Variants in CALN1 observed in about 807,000 individuals in gnomAD.
The protein encoded by CALN1 is calneuron 1, also known as calcium-binding protein 8.
In CALN1, 17 loss-of-function variants were observed where a neutral mutation model predicts 30.6. The observed-to-expected ratio is 0.56, with a 90% CI of 0.38 to 0.83. The LOEUF is 0.83. Among genes scored for constraint, CALN1 ranks in the 40% least tolerant of loss-of-function variants. The pLI is 0.00. For synonymous variants in CALN1, 156 were observed against 131.4 expected, an observed-to-expected ratio of 1.19 and a Z score of -1.28; for missense variants, 291 against 354.9, an observed-to-expected ratio of 0.82 and a Z score of 1.45.
chr7:72,218,779 C>CTA (rs1793043948), intron 3 of CALN1, among the ~76,000 whole-genome samples: 1 of 152,154 alleles, frequency 6.6e-6, no homozygotes, highest in South Asian at 2.1e-4. Context: ...GAATGTGACC[C>CTA]TATAAAACAA....
chr7:71,854,655 G>A (rs780000529), intron 5 of CALN1, among the ~76,000 whole-genome samples: 1 of 152,204 alleles, frequency 6.6e-6, no homozygotes, highest in Non-Finnish European at 1.5e-5. Flanking sequence ...AAGATTGGCA[G>A]TTTCATGCTA....
intron 3 of CALN1, among the ~76,000 whole-genome samples, chr7:72,194,593 T>TG (rs1790858036): frequency 1.3e-5 from 1 of 77,696 alleles, no homozygotes; most frequent in African/African-American, 5.7e-5. Flanking sequence ...AACTGGCCTC[T>TG]TTTTTTTTTT....
intron 3 of CALN1, among the ~76,000 whole-genome samples, chr7:72,189,940 T>C (rs1473824122): frequency 6.6e-6 from 1 of 152,190 alleles, no homozygotes; most frequent in Admixed American, 6.5e-5. Context: ...TAGATTATTT[T>C]AGACTTTTGT....
chr7:72,046,657 C>T lies in CALN1; in HGVS notation c.389-22888G>A, dbSNP rs545297060. ...CCCAGGAGGCAGAGGTTGCAGTGAG[C>T]CGAGATCACGCCATTGTACTCCAGC... is the stretch of plus-strand genomic sequence containing the variant. On this transcript the variant is annotated intron_variant, in intron 4 of 6. Coordinates refer to ENST00000395275, the MANE Select transcript of CALN1 (RefSeq NM_031468.4). Among the ~76,000 whole-genome samples, 3 of 143,592 alleles carry T rather than the reference C, an allele frequency of 2.1e-5. No homozygotes were observed. The East Asian group carries it at 6.4e-4, about 31-fold the overall frequency. 94.2% of individuals were successfully genotyped at this position (143,592 alleles called of 152,430 possible).
intron 3 of CALN1, among the ~76,000 whole-genome samples, chr7:72,119,918 T>C (rs1473782361): frequency 1.3e-5 from 2 of 152,174 alleles, no homozygotes; most frequent in African/African-American, 4.8e-5. Context: ...ATATGAGATA[T>C]GCTACATTTT....
chr7:72,333,719 AATC>A (rs1272392196), intron 2 of CALN1, among the ~76,000 whole-genome samples: 1 of 151,884 alleles, frequency 6.6e-6, no homozygotes, highest in Non-Finnish European at 1.5e-5. Context: ...GCTTACCATC[AATC>A]ATCAAACCAG....
intron 2 of CALN1, among the ~76,000 whole-genome samples, chr7:72,361,147 G>A (rs902636961): frequency 3.3e-5 from 5 of 151,972 alleles, no homozygotes; most frequent in African/African-American, 2.4e-5. Context: ...TTCTCCACAG[G>A]TTATTCATGC....
At chr7:72,321,994 T>C (rs1053240047) in intron 2 of CALN1, among the ~76,000 whole-genome samples, 7 of 152,172 alleles carry the variant, frequency 4.6e-5, no homozygotes, top group African/African-American at 1.7e-4. Flanking sequence ...GTTTTTCCCA[T>C]GGACCGGGGG....
At chr7:72,017,278 T>C (rs1800450894) in intron 5 of CALN1, among the ~76,000 whole-genome samples, 1 of 151,440 alleles carries the variant, frequency 6.6e-6, no homozygotes, top group Non-Finnish European at 1.5e-5. Flanking sequence ...AGGTAAAGCC[T>C]TTCCGGAAAG....
chr7:72,157,533 T>C (rs1268850638), intron 3 of CALN1, among the ~76,000 whole-genome samples: 5 of 151,122 alleles, frequency 3.3e-5, no homozygotes, highest in Non-Finnish European at 5.9e-5. Context: ...AAGGATTTAA[T>C]CATGTAAAGT....
chr7:72,053,615 C>T (rs993644403), intron 4 of CALN1, among the ~76,000 whole-genome samples: 5 of 149,574 alleles, frequency 3.3e-5, no homozygotes, highest in African/African-American at 9.9e-5. Context: ...GGTTTTCTTT[C>T]GCAATCTTTA....
At chr7:72,396,400 G>A (rs567332289) in intron 2 of CALN1, among the ~76,000 whole-genome samples, 45 of 144,432 alleles carry the variant, frequency 3.1e-4, no homozygotes, top group African/African-American at 1.2e-3. Context: ...TCCAGCTTGG[G>A]TGACAAAAGG....
At chr7:72,142,581 C>T (rs527862477) in intron 3 of CALN1, among the ~76,000 whole-genome samples, 4 of 152,344 alleles carry the variant, frequency 2.6e-5, no homozygotes, top group African/African-American at 9.6e-5. Flanking sequence ...GCAGCAGAAA[C>T]TTCTGCAGAC....
intron 5 of CALN1, among the ~76,000 whole-genome samples, chr7:71,951,742 T>TAC (rs1796702751): frequency 6.6e-6 from 1 of 152,196 alleles, no homozygotes; most frequent in African/African-American, 2.4e-5. Context: ...TCACATACCC[T>TAC]ACTAAGACAA....
Position 72,070,481 on chromosome 7 carries a change from A to C in CALN1, c.388+35670T>G, listed in dbSNP as rs147689618. ...TTCTCCTTCCTGATGGCAACCTCAA[A>C]TATTAAATATATTCCACCTGCTCTT... On this transcript the variant is annotated intron_variant, in intron 4 of 6. Transcript: ENST00000395275. Among the ~76,000 whole-genome samples, 19 of 152,322 alleles carry C rather than the reference A, an allele frequency of 1.2e-4. No individual in the cohort carries two copies. In the East Asian group the frequency reaches 3.5e-3, roughly 28 times the overall value.
At chr7:72,043,051 C>T (rs1037799372) in intron 4 of CALN1, among the ~76,000 whole-genome samples, 9 of 152,204 alleles carry the variant, frequency 5.9e-5, no homozygotes, top group African/African-American at 2.2e-4. Context: ...TGCATGGCTT[C>T]TCGTGGTTCA....
intron 5 of CALN1, among the ~76,000 whole-genome samples, chr7:71,957,020 T>G (rs1474101237): frequency 6.6e-6 from 1 of 152,100 alleles, no homozygotes; most frequent in East Asian, 1.9e-4. Context: ...TTTTTGATAG[T>G]CAATCCCTTC....
intron 3 of CALN1, among the ~76,000 whole-genome samples, chr7:72,128,364 C>T (rs921877055): frequency 6.6e-6 from 1 of 151,986 alleles, no homozygotes; most frequent in Admixed American, 6.6e-5. Context: ...AACGTGGGGA[C>T]AACTAAGTAG....
At chr7:71,966,493 G>C (rs1223632902) in intron 5 of CALN1, among the ~76,000 whole-genome samples, 1 of 152,042 alleles carries the variant, frequency 6.6e-6, no homozygotes, top group Non-Finnish European at 1.5e-5. Context: ...CATGACATCT[G>C]GTCATTTAAA....
Sources: gnomAD v4.1 joint callset for allele counts (sites outside exome capture counted in the v4.1 genomes callset) on GRCh38, gnomAD v4.1.1 for gene constraint, MANE v1.5 for transcripts, NCBI Gene and HGNC (gene_info 2026-07-23, HGNC 2026-07-21) for gene names.